NME7: variants seen among roughly 807,000 people sequenced by gnomAD.
NME7 encodes nucleoside diphosphate kinase 7.
In NME7, 41 loss-of-function variants were observed where a neutral mutation model predicts 49.1. The ratio of observed to expected loss-of-function variants is 0.83; its 90% CI spans 0.65 to 1.08. The LOEUF is 1.08. Among genes scored for constraint, NME7 ranks in the 50% least tolerant of loss-of-function variants. NME7 has a pLI of 0.00. For missense variants in NME7, 423 were observed against 463.4 expected (o/e 0.91, Z 0.80); for synonymous variants, 139 against 150.6 (o/e 0.92, Z 0.56).
At chr1:169,172,106 AG>A (rs3835443) in intron 10 of NME7, among the ~76,000 whole-genome samples, 16,486 of 151,966 alleles carry the variant, frequency 0.11, 946 homozygotes, top group East Asian at 0.17. Flanking sequence ...ACCCTGCTTA[AG>A]GCCCCATGCC....
At chr1:169,248,836 A>G (rs1004344895) in intron 7 of NME7, among the ~76,000 whole-genome samples, 4 of 152,116 alleles carry the variant, frequency 2.6e-5, no homozygotes, top group African/African-American at 7.2e-5. Flanking sequence ...CCACTGCTCT[A>G]TGTGCCTACT....
chr1:169,324,859 A>G (rs575767152), intron 1 of NME7, among the ~76,000 whole-genome samples: 1 of 152,338 alleles, frequency 6.6e-6, no homozygotes, highest in East Asian at 1.9e-4. Context: ...CTATCAATAA[A>G]CTAATATAAG....
At chr1:169,163,040 G>T (rs533407709) in intron 11 of NME7, among the ~76,000 whole-genome samples, 2 of 152,114 alleles carry the variant, frequency 1.3e-5, no homozygotes, top group African/African-American at 2.4e-5. Flanking sequence ...AAGACCACAT[G>T]TTTAAAGGTA....
chr1:169,232,823 C>G (rs1239514871), intron 9 of NME7, among the ~76,000 whole-genome samples: 1 of 151,172 alleles, frequency 6.6e-6, no homozygotes, highest in Non-Finnish European at 1.5e-5. Flanking sequence ...TACAAAGCAA[C>G]AGTAAACATG....
intron 11 of NME7, among the ~76,000 whole-genome samples, chr1:169,151,489 A>G (rs1015795701): frequency 3.3e-5 from 5 of 152,080 alleles, no homozygotes; most frequent in Non-Finnish European, 7.4e-5. Context: ...AGGGATTCCA[A>G]TGAATCCAGG....
At chr1:169,210,889 G>A (rs1294120157) in intron 10 of NME7, among the ~76,000 whole-genome samples, 3 of 151,940 alleles carry the variant, frequency 2.0e-5, no homozygotes, top group Non-Finnish European at 4.4e-5. Flanking sequence ...CTTCCCCTTT[G>A]TTTGCAGGCC....
chr1:169,274,336 G>C lies in NME7; in HGVS notation c.754+12967C>G, dbSNP rs1180810338. Reference sequence around the variant, plus strand: ...TTGTTTGTTTTTTTCTTGTAAATTTGTTTGAGTTCATTGTAGATTCTGGAT... The same window carrying C: ...TTGTTTGTTTTTTTCTTGTAAATTTCTTTGAGTTCATTGTAGATTCTGGAT... On this transcript the variant is annotated intron_variant, in intron 7 of 11. Transcript: ENST00000367811. 3.0e-5 allele frequency among the ~76,000 whole-genome samples: 4 copies of C among 132,672 alleles called. 1 individual carries two copies. Among genetic ancestry groups the C allele is most frequent in the African/African-American group, 1.0e-4 (4 of 39,156 alleles). The allele number at this position is 132,672 out of a possible 152,430, so 87.0% of individuals were successfully genotyped here.
At chr1:169,365,960 A>G (rs1247325423) in intron 1 of NME7, among the ~76,000 whole-genome samples, 1 of 152,234 alleles carries the variant, frequency 6.6e-6, no homozygotes, top group Admixed American at 6.5e-5. Context: ...GAGGAAAGAT[A>G]GCAAGTTCAG....
intron 6 of NME7, among the ~76,000 whole-genome samples, chr1:169,288,437 G>A (rs1345225552): frequency 6.6e-6 from 1 of 152,108 alleles, no homozygotes; most frequent in Non-Finnish European, 1.5e-5. Flanking sequence ...CTCTGTAGAT[G>A]TGAGTTTCAC....
chr1:169,279,861 C>A (rs1413670041), intron 7 of NME7, among the ~76,000 whole-genome samples: 1 of 152,186 alleles, frequency 6.6e-6, no homozygotes, highest in Non-Finnish European at 1.5e-5. Flanking sequence ...ATTCGTCTAT[C>A]ATTGATGGGC....
At chr1:169,268,490 G>A (rs1230846742) in intron 7 of NME7, among the ~76,000 whole-genome samples, 2 of 133,382 alleles carry the variant, frequency 1.5e-5, no homozygotes, top group East Asian at 2.0e-4. Flanking sequence ...GCATGCAAAT[G>A]TTCACTGAAG....
intron 10 of NME7, among the ~76,000 whole-genome samples, chr1:169,217,771 A>G (rs1027103698): frequency 2.0e-5 from 3 of 152,230 alleles, no homozygotes; most frequent in African/African-American, 7.2e-5. Context: ...TGTTACGTAC[A>G]TTTGAATCAA....
At chr1:169,299,627 C>G (rs1650862046) in intron 5 of NME7, among the ~76,000 whole-genome samples, 1 of 152,004 alleles carries the variant, frequency 6.6e-6, no homozygotes, top group African/African-American at 2.4e-5. Context: ...CTCTTTTGTG[C>G]CCACTAACTT....
At chr1:169,203,631 T>G (rs1286823429) in intron 10 of NME7, among the ~76,000 whole-genome samples, 2 of 152,038 alleles carry the variant, frequency 1.3e-5, no homozygotes, top group Non-Finnish European at 2.9e-5. Flanking sequence ...AACCATTCTG[T>G]GGTTGGTGGT....
chr1:169,251,876 C>T (rs1648640493), intron 7 of NME7, among the ~76,000 whole-genome samples: 2 of 151,828 alleles, frequency 1.3e-5, no homozygotes, highest in Non-Finnish European at 2.9e-5. Flanking sequence ...CATGTCCCTA[C>T]AAAGGACATG....
intron 11 of NME7, among the ~76,000 whole-genome samples, chr1:169,140,454 G>C (rs1658557106): frequency 6.6e-6 from 1 of 152,140 alleles, no homozygotes; most frequent in African/African-American, 2.4e-5. Flanking sequence ...GGGCATGTAA[G>C]TTTCTGGGTG....
At chr1:169,221,627 A>C (rs1371451239) in intron 10 of NME7, among the ~76,000 whole-genome samples, 1 of 151,972 alleles carries the variant, frequency 6.6e-6, no homozygotes, top group Non-Finnish European at 1.5e-5. Context: ...ATATATTTGT[A>C]TACCTATATA....
chr1:169,226,052 T>C (rs1480263919), intron 10 of NME7, among the ~76,000 whole-genome samples: 1 of 152,190 alleles, frequency 6.6e-6, no homozygotes, highest in East Asian at 1.9e-4. Context: ...GTTTATTCAT[T>C]AGTTCATCAA....
intron 10 of NME7, among the ~76,000 whole-genome samples, chr1:169,221,417 T>C (rs6688139): frequency 0.38 from 57,282 of 151,908 alleles, 11,514 homozygotes; most frequent in East Asian, 0.79. Context: ...CCTTATCTTC[T>C]ACCTTGCTCA....
Sources: allele counts gnomAD v4.1 joint callset (sites outside exome capture counted in the v4.1 genomes callset), GRCh38; gene constraint gnomAD v4.1.1; transcripts MANE v1.5; gene names NCBI Gene and HGNC (gene_info 2026-07-23, HGNC 2026-07-21).